Variants in PDXDC1 observed in about 807,000 individuals in gnomAD.
The protein encoded by PDXDC1 is pyridoxal dependent decarboxylase domain containing 1, also known as pyridoxal-dependent decarboxylase domain-containing protein 1.
Under a neutral mutation model 100.1 loss-of-function variants are expected in PDXDC1, and 42 were observed. That is an observed-to-expected ratio of 0.42 (90% confidence interval 0.33 to 0.54). The LOEUF (loss-of-function observed/expected upper bound fraction) is 0.54, where lower values mean the gene tolerates loss of function less well. Ranked by LOEUF, PDXDC1 falls within the 20% of genes least tolerant of loss-of-function variation. The pLI is 0.10. For missense variants in PDXDC1, 636 were observed against 979.2 expected (o/e 0.65, Z 4.68); for synonymous variants, 260 against 371.7 (o/e 0.70, Z 3.46).
intron 6 of PDXDC1, among the ~76,000 whole-genome samples, 171 bp from the exon 7 acceptor site, chr16:15,008,608 C>T (rs1268646578): frequency 3.0e-4 from 42 of 138,928 alleles, no homozygotes; most frequent in African/African-American, 8.1e-4. Context: ...TTTTTTTTTT[C>T]GGCTTGGCTT....
chr16:15,042,248 C>T (rs369163659), downstream of PDXDC1, among the ~76,000 whole-genome samples: 1 of 144,730 alleles, frequency 6.9e-6, no homozygotes, highest in South Asian at 2.2e-4. Flanking sequence ...TGCAGTGGAG[C>T]GATCTCTGCT....
chr16:15,093,733 G>A (rs1258009988), intron 16 of PDXDC1, among the ~76,000 whole-genome samples: 3 of 152,350 alleles, frequency 2.0e-5, no homozygotes, highest in African/African-American at 7.2e-5. Context: ...AAATACGTGT[G>A]TCGAAACAAA....
chr16:15,045,769 C>G (rs1426041590), intron 16 of PDXDC1: 4 of 152,284 alleles, frequency 2.6e-5, no homozygotes, highest in African/African-American at 7.2e-5. Context: ...CATCTACTAA[C>G]CCCCTTTTCC....
rs745481960 is a variant in PDXDC1, at chr16:15,076,577, G to C, written c.1399+46521G>C. On this transcript the variant is annotated intron_variant, in intron 16 of 16. Transcript: ENST00000535621. Reference sequence around the variant, plus strand: ...GCTAACCATATTAAACAATCCTTCCGTGGAATCTGTCCCACCACAAGTTTG... The same window carrying C: ...GCTAACCATATTAAACAATCCTTCCCTGGAATCTGTCCCACCACAAGTTTG... 6 of 1,611,120 alleles carry C rather than the reference G, an allele frequency of 3.7e-6. No individual in the cohort carries two copies. The Admixed American group carries it at 5.0e-5, about 13-fold the overall frequency.
intron 16 of PDXDC1, among the ~76,000 whole-genome samples, chr16:15,043,345 C>A (rs2043909911): frequency 5.9e-5 from 9 of 152,164 alleles, no homozygotes; most frequent in Admixed American, 5.9e-4. Context: ...CGGATATGAA[C>A]CTTTTTTAAG....
At chr16:15,056,544 G>A (rs2044532366) in intron 16 of PDXDC1, among the ~76,000 whole-genome samples, 1 of 152,190 alleles carries the variant, frequency 6.6e-6, no homozygotes, top group Admixed American at 6.5e-5. Context: ...GGGGGGCCGA[G>A]GCAGGAGGAT....
chr16:15,130,339 C>G (rs1417744697), intron 16 of PDXDC1: 1 of 1,552,274 alleles, frequency 6.4e-7, no homozygotes, highest in South Asian at 1.2e-5. Context: ...CACACCACGT[C>G]CTCCTCGCTG....
intron 13 of PDXDC1, chr16:15,025,961 TTAA>T (rs1400381229): frequency 7.9e-5 from 12 of 152,474 alleles, no homozygotes; most frequent in South Asian, 4.1e-4. Flanking sequence ...CGGCCTGTCT[TTAA>T]TAATAATTAA....
intron 16 of PDXDC1, among the ~76,000 whole-genome samples, chr16:15,102,285 C>T (rs1226772231): frequency 1.3e-5 from 2 of 152,020 alleles, no homozygotes; most frequent in Admixed American, 6.6e-5. Context: ...TGTCACCGCA[C>T]CTGGCCTCTG....
chr16:15,125,304 G>A (rs1373003462), intron 16 of PDXDC1: 16 of 670,540 alleles, frequency 2.4e-5, no homozygotes, highest in South Asian at 5.2e-5. Context: ...GCGTTCCCTC[G>A]CTGGAGGGCC....
chr16:15,081,234 A>C (rs1001182402), intron 16 of PDXDC1, among the ~76,000 whole-genome samples: 20 of 152,226 alleles, frequency 1.3e-4, no homozygotes, highest in African/African-American at 4.8e-5. Context: ...GTATAAACCC[A>C]GAAATGGAAC....
At chr16:15,112,162 T>C (rs527691206) in intron 16 of PDXDC1, among the ~76,000 whole-genome samples, 4 of 148,890 alleles carry the variant, frequency 2.7e-5, no homozygotes, top group South Asian at 2.2e-4. Flanking sequence ...ATAGCTAAAA[T>C]GCAAAGCAAA....
chr16:15,136,075 G>A (rs922461306), intron 16 of PDXDC1: 14 of 1,580,456 alleles, frequency 8.9e-6, no homozygotes, highest in South Asian at 3.4e-5. Flanking sequence ...GCCCTGCGGC[G>A]CTGGGCCCAC....
intron 22 of PDXDC1, among the ~76,000 whole-genome samples, chr16:15,035,784 C>T (rs1035991972): frequency 2.6e-5 from 4 of 152,130 alleles, no homozygotes; most frequent in Non-Finnish European, 5.9e-5. Flanking sequence ...GTGGTGTTTA[C>T]CCTCCTGGGC....
At chr16:15,025,299 A>G (rs1381619076) in intron 13 of PDXDC1, 12 of 152,388 alleles carry the variant, frequency 7.9e-5, no homozygotes, top group Non-Finnish European at 1.8e-4. Context: ...CAGTCTTGGC[A>G]CTCACCTCAT....
Position 15,076,978 on chromosome 16 carries a change from CACTT to C in PDXDC1, c.1399+46923_1399+46926del, listed in dbSNP as rs1173120989. Among the ~76,000 whole-genome samples the C allele has an allele frequency of 8.7e-5, 7 of 80,010 alleles. No individual in the cohort carries two copies. In the Admixed American group the frequency reaches 1.1e-3, roughly 13 times the overall value. The allele number at this position is 80,010 out of a possible 152,430, so 52.5% of individuals were successfully genotyped here. Reference sequence around the variant, plus strand: ...TCTGGCTCTGTGTCCCCACCCAAATCACTTTTTTTTTTTTTTTTGAGGCAGAGTT... The same window carrying C: ...TCTGGCTCTGTGTCCCCACCCAAATCTTTTTTTTTTTTTTGAGGCAGAGTT... On this transcript the variant is annotated intron_variant, in intron 16 of 16. Transcript: ENST00000535621.
At chr16:15,088,252 G>A (rs2045986456) in intron 16 of PDXDC1, among the ~76,000 whole-genome samples, 1 of 152,192 alleles carries the variant, frequency 6.6e-6, no homozygotes, top group South Asian at 2.1e-4. Flanking sequence ...GGCAGGAGGA[G>A]ACTGCTTGAG....
intron 16 of PDXDC1, among the ~76,000 whole-genome samples, chr16:15,090,630 T>C (rs1020934453): frequency 2.1e-4 from 32 of 152,214 alleles, no homozygotes; most frequent in Admixed American, 1.6e-3. Context: ...TTTAAATCTC[T>C]ATTGTTTTCT....
At chr16:15,111,617 G>C (rs1485432696) in intron 16 of PDXDC1, among the ~76,000 whole-genome samples, 1 of 147,232 alleles carries the variant, frequency 6.8e-6, no homozygotes, top group East Asian at 2.0e-4. Flanking sequence ...AATTAGCTGA[G>C]CATGGTGGCG....
Sources: allele counts gnomAD v4.1 joint callset (sites outside exome capture counted in the v4.1 genomes callset), GRCh38; gene constraint gnomAD v4.1.1; transcripts MANE v1.5; gene names NCBI Gene and HGNC (gene_info 2026-07-23, HGNC 2026-07-21).